ABCC12: variants seen among roughly 807,000 people sequenced by gnomAD.
ABCC12 encodes the protein ATP binding cassette subfamily C member 12, also known as ATP-binding cassette sub-family C member 12.
Under a neutral mutation model 151.1 loss-of-function variants are expected in ABCC12, and 142 were observed. The ratio of observed to expected loss-of-function variants is 0.94; its 90% confidence interval spans 0.82 to 1.08. ABCC12 has a LOEUF of 1.08. Among genes scored for constraint, ABCC12 ranks in the 50% least tolerant of loss-of-function variants. The pLI, the probability that ABCC12 is intolerant of heterozygous loss-of-function variation, is 0.00. For synonymous variants in ABCC12, 645 were observed against 646.4 expected (o/e 1.00, Z 0.03); for missense variants, 1,638 against 1,691.1 (o/e 0.97, Z 0.55).
At chr16:48,087,366 T>G (rs1401807930) in intron 27 of ABCC12, 5 of 155,936 alleles carry the variant, frequency 3.2e-5, no homozygotes, top group Non-Finnish European at 7.1e-5. Context: ...GGAGAAATGT[T>G]CCTCTCATCA....
chr16:48,108,550 G>A (rs373779210), intron 18 of ABCC12, 21 bp from the exon 19 acceptor site: 39 of 1,609,766 alleles, frequency 2.4e-5, no homozygotes, highest in Non-Finnish European at 3.1e-5. Context: ...AAACACAAGT[G>A]CCATGGCTCT....
At chr16:48,141,016 C>T (rs750416700) in intron 5 of ABCC12, 96 bp from the exon 6 acceptor site, 86 of 1,417,762 alleles carry the variant, frequency 6.1e-5, no homozygotes, top group Non-Finnish European at 7.7e-5. Context: ...CTTTAAGAGG[C>T]AAACTTTTTA....
chr16:48,119,027 C>T (rs767573843), intron 13 of ABCC12, among the ~76,000 whole-genome samples: 7 of 152,214 alleles, frequency 4.6e-5, no homozygotes, highest in African/African-American at 2.4e-5. Context: ...ACTCAGACTG[C>T]GCAGCACATC....
At chr16:48,142,193 G>A (rs569848851) in intron 4 of ABCC12, among the ~76,000 whole-genome samples, 36 of 152,164 alleles carry the variant, frequency 2.4e-4, no homozygotes, top group Non-Finnish European at 4.6e-4. Context: ...TAAGTCTGGG[G>A]CCCTGGGTCA....
rs530939352 is a variant in ABCC12, at chr16:48,124,352, GC to G, written c.1516-69del. 3.8e-4 allele frequency: 567 copies of G among 1,510,902 alleles called. 3 individuals carry two copies. The African/African-American group carries it at 7.3e-3, about 19-fold the overall frequency. 93.6% of individuals were successfully genotyped at this position (1,510,902 alleles called of 1,614,324 possible). On this transcript the variant is annotated intron_variant, in intron 11 of 30. Coordinates refer to ENST00000311303, the MANE Select transcript of ABCC12 (RefSeq NM_001393797.1). ...TTCTTAGAGGGTCTGGCCCAAAGGT[GC>G]CACTCCCAAACTATGCTGGTCAGGC...
rs1045785206 is a variant in ABCC12, at chr16:48,134,761, T to G, written c.980-926A>C. 5.3e-5 allele frequency among the ~76,000 whole-genome samples: 8 copies of G among 152,278 alleles called. No homozygotes were observed. In the East Asian group the frequency reaches 5.8e-4, roughly 11 times the overall value. ...TTTATAAGCTGCCTACTTTAAGATA[T>G]CCCACCCTCAGCCAGGAGTGGTGGC... is the stretch of plus-strand genomic sequence containing the variant. On this transcript the variant is annotated intron_variant, in intron 8 of 30. Coordinates refer to ENST00000311303, the MANE Select transcript of ABCC12 (RefSeq NM_001393797.1).
chr16:48,143,839 C>T, intron 4 of ABCC12, 71 bp downstream of exon 4: 9 of 1,517,158 alleles, frequency 5.9e-6, no homozygotes, highest in Admixed American at 2.1e-5. Context: ...TTATAAATTA[C>T]CCACTCTCAG....
rs1963413138 is a variant in ABCC12 at position 48,104,366 on chromosome 16, G to C, written c.2676C>G (p.Ile892Met). 1.2e-6 allele frequency: 2 copies of C among 1,613,936 alleles called. No homozygotes were observed. The highest frequency in any genetic ancestry group is 2.2e-5 in the East Asian group (1 of 44,892). Residue 892 changes from isoleucine to methionine, a missense_variant and splice_region_variant, in exon 22 of 31, where the codon ATC becomes ATG. Ile to Met is a conservative substitution (Grantham distance 10). Coordinates refer to ENST00000311303, the MANE Select transcript of ABCC12 (RefSeq NM_001393797.1). The part of the protein sequence containing the change: ...SSLHDTVFDK[I>M]LKSPMSFFDT... ...CAAAGAAACTCATTGGGCTCTTTAA[G>C]ATCTGTGGAGAATGGTAGAGAGTCA... is the stretch of plus-strand genomic sequence containing the variant.
chr16:48,113,888 G>C (rs556303816), intron 15 of ABCC12, among the ~76,000 whole-genome samples: 1 of 152,246 alleles, frequency 6.6e-6, no homozygotes, highest in Admixed American at 6.5e-5. Flanking sequence ...ATCTGTCAGG[G>C]ATGAGGCATC....
At chr16:48,110,241 C>T (rs1054475953) in intron 18 of ABCC12, among the ~76,000 whole-genome samples, 3 of 149,290 alleles carry the variant, frequency 2.0e-5, no homozygotes, top group Non-Finnish European at 4.4e-5. Context: ...CTTCTTTCCC[C>T]CACATTGTAA....
intron 23 of ABCC12, among the ~76,000 whole-genome samples, chr16:48,099,282 A>C (rs933112454): frequency 6.6e-6 from 1 of 151,980 alleles, no homozygotes; most frequent in Non-Finnish European, 1.5e-5. Flanking sequence ...GCTGGGCCCC[A>C]GTTACTTGGG....
intron 25 of ABCC12, among the ~76,000 whole-genome samples, chr16:48,089,049 T>C (rs1419682769): frequency 1.3e-5 from 2 of 152,230 alleles, no homozygotes. Flanking sequence ...ACATTGGACC[T>C]GAGGGCTGGA....
chr16:48,117,275 C>G lies in ABCC12; in HGVS notation c.1771G>C (p.Gly591Arg). 6.2e-7 allele frequency: 1 copy of G among 1,613,746 alleles called. No homozygotes were observed. Among genetic ancestry groups the G allele is most frequent in the South Asian group, 1.1e-5 (1 of 90,948 alleles). ...GCCCCGCTCACCTCAGTCAGGTCTC[C>G]ATAGGGGAGGTTGCTCAGGTCCTTC... ...LQKDLSNLPY[G>R]DLTEIGERGL... Residue 591 changes from glycine to arginine, a missense_variant, in exon 14 of 31, where the codon GGA becomes CGA. Coordinates refer to ENST00000311303, the MANE Select transcript of ABCC12 (RefSeq NM_001393797.1).
chr16:48,136,740 CT>C (rs1964623858), intron 8 of ABCC12, among the ~76,000 whole-genome samples: 1 of 152,158 alleles, frequency 6.6e-6, no homozygotes, highest in African/African-American at 2.4e-5. Flanking sequence ...GACAAAGTTA[CT>C]GTAAACATCC....
At chr16:48,095,126 A>T (rs1389324625) in intron 24 of ABCC12, among the ~76,000 whole-genome samples, 1 of 152,220 alleles carries the variant, frequency 6.6e-6, no homozygotes, top group African/African-American at 2.4e-5. Context: ...TAGCTCCCAT[A>T]ATTCCCACGT....
chr16:48,155,053 C>T (rs373148915), intron 1 of ABCC12, among the ~76,000 whole-genome samples: 4 of 152,358 alleles, frequency 2.6e-5, no homozygotes, highest in Admixed American at 2.6e-4. Context: ...CCCCAGGTCC[C>T]AGGCACCTGT....
chr16:48,124,371 G>T, intron 11 of ABCC12, 87 bp from the exon 12 acceptor site: 1 of 1,332,504 alleles, frequency 7.5e-7, no homozygotes, highest in Non-Finnish European at 1.1e-6. Context: ...AAACTATGCT[G>T]GTCAGGCCAG....
At chr16:48,103,725 TC>T (rs1371324879) in intron 22 of ABCC12, among the ~76,000 whole-genome samples, 1 of 152,130 alleles carries the variant, frequency 6.6e-6, no homozygotes, top group Non-Finnish European at 1.5e-5. Flanking sequence ...CCTCCTGCTT[TC>T]CCCCAGGGTG....
At chr16:48,089,567 T>C (rs1176657934) in intron 25 of ABCC12, among the ~76,000 whole-genome samples, 1 of 152,106 alleles carries the variant, frequency 6.6e-6, no homozygotes, top group Non-Finnish European at 1.5e-5. Context: ...CAGCTGGAAA[T>C]AGGGATCCCG....
Sources: allele counts gnomAD v4.1 joint callset (sites outside exome capture counted in the v4.1 genomes callset), GRCh38; gene constraint gnomAD v4.1.1; transcripts MANE v1.5; gene names NCBI Gene and HGNC (gene_info 2026-07-23, HGNC 2026-07-21).